TASP1: variants seen among roughly 807,000 people sequenced by gnomAD.
TASP1 encodes the protein taspase 1, also known as threonine aspartase 1.
TASP1 carries 16 observed loss-of-function variants against 56.6 expected under a neutral mutation model. The ratio of observed to expected loss-of-function variants is 0.28; its 90% CI spans 0.19 to 0.43. The LOEUF is 0.43. TASP1 is among the 20% of genes least tolerant of loss of function. The pLI, the probability that TASP1 is intolerant of heterozygous loss-of-function variation, is 1.00. For missense variants in TASP1, 393 were observed against 511.6 expected (o/e 0.77, Z 2.24); for synonymous variants, 179 against 184.2 (o/e 0.97, Z 0.23).
At chr20:13,343,471 G>A in the TASP1 span, among the ~76,000 whole-genome samples, 2 of 152,246 alleles carry the variant, frequency 1.3e-5, no homozygotes, top group Non-Finnish European at 2.9e-5. Context: ...TACCCAGACA[G>A]AGGGACAAGG....
the TASP1 span, among the ~76,000 whole-genome samples, chr20:13,200,955 A>T: frequency 6.6e-6 from 1 of 152,246 alleles, no homozygotes; most frequent in African/African-American, 2.4e-5. Context: ...TGTAAAGAAA[A>T]GTAAACAGAA....
chr20:13,545,143 A>C (rs942612933), intron 8 of TASP1, among the ~76,000 whole-genome samples: 2 of 152,246 alleles, frequency 1.3e-5, no homozygotes, highest in Non-Finnish European at 2.9e-5. Context: ...TGACGATTAA[A>C]GATAAGCATA....
chr20:13,591,603 A>G (rs2047534558), intron 4 of TASP1, among the ~76,000 whole-genome samples: 3 of 152,326 alleles, frequency 2.0e-5, no homozygotes, highest in Non-Finnish European at 4.4e-5. Context: ...CAGGCCAAAC[A>G]AAAAAGACAC....
the TASP1 span, among the ~76,000 whole-genome samples, chr20:13,373,470 T>TC: frequency 6.8e-6 from 1 of 147,714 alleles, no homozygotes; most frequent in African/African-American, 2.5e-5. Flanking sequence ...TTTTTTTTTT[T>TC]CTGGATATGT....
the TASP1 span, chr20:13,221,796 A>AGCTGCT: frequency 2.8e-6 from 4 of 1,450,500 alleles, no homozygotes; most frequent in Admixed American, 5.0e-5. Flanking sequence ...CTGGCGGCCG[A>AGCTGCT]GCTGCTGCTG....
the TASP1 span, among the ~76,000 whole-genome samples, chr20:13,247,531 T>TGG: frequency 6.6e-6 from 1 of 150,542 alleles, no homozygotes; most frequent in African/African-American, 2.4e-5. Flanking sequence ...TGTGTGTGTG[T>TGG]GTGTGTGTGT....
the TASP1 span, among the ~76,000 whole-genome samples, chr20:13,274,676 C>T: frequency 6.6e-5 from 10 of 151,848 alleles, no homozygotes; most frequent in Non-Finnish European, 1.2e-4. Context: ...CCCCGCCCCC[C>T]CCGCGCCCGG....
At chr20:13,396,882 G>C (rs778194539) in intron 13 of TASP1, among the ~76,000 whole-genome samples, 15 of 152,134 alleles carry the variant, frequency 9.9e-5, no homozygotes, top group Non-Finnish European at 2.1e-4. Context: ...AAGTTCTATT[G>C]TTCTCACATA....
At chr20:13,482,609 C>T (rs1307706680) in intron 11 of TASP1, among the ~76,000 whole-genome samples, 1 of 152,086 alleles carries the variant, frequency 6.6e-6, no homozygotes, top group Admixed American at 6.6e-5. Context: ...GTTTTAGTTA[C>T]AGAGATCTTT....
the TASP1 span, among the ~76,000 whole-genome samples, chr20:13,192,150 G>A: frequency 6.6e-6 from 1 of 152,202 alleles, no homozygotes; most frequent in Non-Finnish European, 1.5e-5. Flanking sequence ...GACAAAAGCT[G>A]AGGGAATTCA....
chr20:13,453,076 G>A (rs1342193635), intron 11 of TASP1, among the ~76,000 whole-genome samples: 1 of 152,084 alleles, frequency 6.6e-6, no homozygotes, highest in African/African-American at 2.4e-5. Flanking sequence ...GAGCCAAGAA[G>A]AGAAGGGACA....
chr20:13,320,255 T>A, the TASP1 span, among the ~76,000 whole-genome samples: 1 of 152,166 alleles, frequency 6.6e-6, no homozygotes, highest in East Asian at 1.9e-4. Context: ...GAGTGTGAGT[T>A]GAGCAAAAAT....
intron 4 of TASP1, among the ~76,000 whole-genome samples, chr20:13,618,381 CCAGCCTAGGCGA>C (rs2048595819): frequency 6.6e-6 from 1 of 152,020 alleles, no homozygotes; most frequent in Non-Finnish European, 1.5e-5. Flanking sequence ...CCACTGCACT[CCAGCCTAGGCGA>C]CAGAGCAAGA....
At chr20:13,276,804 C>T in the TASP1 span, among the ~76,000 whole-genome samples, 8 of 152,282 alleles carry the variant, frequency 5.3e-5, no homozygotes, top group Non-Finnish European at 7.3e-5. Flanking sequence ...AACGAGCCCT[C>T]GCCATTGGAG....
chr20:13,406,162 C>A (rs1397210291), intron 13 of TASP1, among the ~76,000 whole-genome samples: 1 of 152,140 alleles, frequency 6.6e-6, no homozygotes, highest in Non-Finnish European at 1.5e-5. Context: ...GTTCTAGGTC[C>A]TTTAAATTCC....
the TASP1 span, among the ~76,000 whole-genome samples, chr20:13,222,395 G>T: frequency 2.0e-5 from 3 of 152,098 alleles, no homozygotes; most frequent in African/African-American, 7.2e-5. Context: ...CAAAGGTCAG[G>T]ACATAATTTC....
At chr20:13,617,480 C>A (rs1410034649) in intron 4 of TASP1, among the ~76,000 whole-genome samples, 1 of 152,080 alleles carries the variant, frequency 6.6e-6, no homozygotes, top group African/African-American at 2.4e-5. Context: ...GACTCACCAG[C>A]CACATCATAG....
At chr20:13,106,406 C>T in the TASP1 span, among the ~76,000 whole-genome samples, 3 of 152,004 alleles carry the variant, frequency 2.0e-5, no homozygotes, top group African/African-American at 7.2e-5. Flanking sequence ...ATAGACAAGT[C>T]GGGAGGGACA....
chr20:13,122,487 C>G, the TASP1 span, among the ~76,000 whole-genome samples: 1 of 152,180 alleles, frequency 6.6e-6, no homozygotes, highest in Non-Finnish European at 1.5e-5. Context: ...CTGGAGAAGT[C>G]GAGTGTGGCC....
Sources: allele counts gnomAD v4.1 joint callset (sites outside exome capture counted in the v4.1 genomes callset), GRCh38; gene constraint gnomAD v4.1.1; transcripts MANE v1.5; gene names NCBI Gene and HGNC (gene_info 2026-07-23, HGNC 2026-07-21).